Variants in ADORA3 observed in about 807,000 individuals in gnomAD.
The protein encoded by ADORA3 is adenosine A3 receptor.
Under a neutral mutation model 5.7 loss-of-function variants are expected in ADORA3, and 3 were observed. That is an observed-to-expected ratio of 0.52 (90% confidence interval 0.24 to 1.35). The LOEUF is 1.35. Among genes scored for constraint, ADORA3 ranks in the 40% most tolerant of loss-of-function variants. ADORA3 has a pLI of 0.17. For missense variants in ADORA3, 343 were observed against 389.0 expected, an observed-to-expected ratio of 0.88 and a Z score of 0.99; for synonymous variants, 168 against 152.3, an observed-to-expected ratio of 1.10 and a Z score of -0.76.
chr1:111,502,114 A>T (rs1275044302), intron 1 of ADORA3, among the ~76,000 whole-genome samples: 2 of 106,636 alleles, frequency 1.9e-5, no homozygotes, highest in East Asian at 2.4e-4. Flanking sequence ...ATTTAATATA[A>T]TAAATATATA....
At position 111,503,530 on chromosome 1, in the gene ADORA3, C is replaced by G; in HGVS notation, c.-176G>C. 1 of 1,424,150 alleles carries G rather than the reference C, an allele frequency of 7.0e-7. No homozygotes were observed. The highest frequency in any genetic ancestry group is 9.2e-7 in the Non-Finnish European group (1 of 1,092,108). The allele number at this position is 1,424,150 out of a possible 1,614,324, so 88.2% of individuals were successfully genotyped here. A position where few individuals can be genotyped will look rare whatever the true frequency, so the allele number is the denominator to read the frequency against. ...CTGGTGGGGTGATCTCTTGGAAACC[C>G]TTCTCCTTAGAAAGGGCTCATCACA... On this transcript the variant is annotated 5_prime_UTR_variant, in exon 1 of 2. Coordinates refer to ENST00000241356, the MANE Select transcript of ADORA3 (RefSeq NM_000677.4).
In ADORA3 at chr1:111,503,529, C is replaced by T. The variant is rs577559280; in HGVS notation, c.-175G>A. ...TCTGGTGGGGTGATCTCTTGGAAAC[C>T]CTTCTCCTTAGAAAGGGCTCATCAC... On this transcript the variant is annotated 5_prime_UTR_variant, in exon 1 of 2. Coordinates refer to ENST00000241356, the MANE Select transcript of ADORA3 (RefSeq NM_000677.4). 3 of 1,424,854 alleles carry T rather than the reference C, an allele frequency of 2.1e-6. No homozygotes were observed. The African/African-American group carries it at 4.3e-5, about 20-fold the overall frequency. 88.3% of individuals were successfully genotyped at this position (1,424,854 alleles called of 1,614,324 possible).
chr1:111,500,147 A>G lies in ADORA3; in HGVS notation c.760T>C (p.Tyr254His), dbSNP rs757062295. The G allele has an allele frequency of 1.2e-6, 2 of 1,614,098 alleles. No homozygotes were observed. Among genetic ancestry groups the G allele is most frequent in the African/African-American group, 2.7e-5 (2 of 74,934 alleles). Residue 254 changes from tyrosine to histidine, a missense_variant, in exon 2 of 2, where the codon TAC (tyrosine) becomes CAC (histidine). By Grantham distance (83) the Tyr-to-His change is moderately conservative. Transcript: ENST00000241356. Reference sequence around the variant, plus strand: ...AGCTGTGGTACCTCACCATTAAAGTAGATGATGCAGTTGATGATAGATAAA... The same window carrying G: ...AGCTGTGGTACCTCACCATTAAAGTGGATGATGCAGTTGATGATAGATAAA... ...LPLSIINCII[Y>H]FNGEVPQLVL...
Position 111,500,249 on chromosome 1 carries a change from C to T in ADORA3, c.658G>A (p.Ala220Thr). The T allele has an allele frequency of 6.2e-7, 1 of 1,614,182 alleles. No homozygotes were observed. The change falls in exon 2 of 2, where the codon GCA (alanine) becomes ACA (threonine). Residue 220 changes from alanine (A) to threonine (T), a missense_variant. Physicochemically the swap from Ala to Thr is moderately conservative, Grantham distance 58. Transcript: ENST00000241356. ...GTCTTGAACTCCCGTCCATAAAATG[C>T]ACCTGTCTCTTTGGAGTTAGATAAG... ...LNLSNSKETG[A>T]FYGREFKTAK...
Position 111,499,644 on chromosome 1 carries a change from C to T in ADORA3, c.*306G>A. 8.7e-7 allele frequency: 1 copy of T among 1,145,954 alleles called. No individual in the cohort carries two copies. The allele number at this position is 1,145,954 out of a possible 1,614,324, so 71.0% of individuals were successfully genotyped here. A position where few individuals can be genotyped will look rare whatever the true frequency, so the allele number is the denominator to read the frequency against. On this transcript the variant is annotated 3_prime_UTR_variant, in exon 2 of 2. Transcript: ENST00000241356. ...CTTTTGTCAGTAAGTCAACTAGGCACCCTTCAGGCTCCATGACTTATTCTT... is the reference window on the plus strand; with the variant it reads ...CTTTTGTCAGTAAGTCAACTAGGCATCCTTCAGGCTCCATGACTTATTCTT...
chr1:111,503,326 A>C lies in ADORA3; in HGVS notation c.29T>G (p.Leu10Trp). The change falls in exon 1 of 2, where the codon TTG becomes TGG. Residue 10 changes from leucine to tryptophan, a missense_variant. Leu to Trp is a moderately conservative substitution (Grantham distance 61). Coordinates refer to ENST00000241356, the MANE Select transcript of ADORA3 (RefSeq NM_000677.4). ...CATGGTGATGTAGGTAACATTGGCCAATGACAGAGCAGTGCTGTTGTTGGG... is the reference window on the plus strand; with the variant it reads ...CATGGTGATGTAGGTAACATTGGCCCATGACAGAGCAGTGCTGTTGTTGGG... MPNNSTALS[L>W]ANVTYITMEI... 1.9e-6 allele frequency: 3 copies of C among 1,613,796 alleles called. No individual in the cohort carries two copies. Among genetic ancestry groups the C allele is most frequent in the Non-Finnish European group, 2.5e-6 (3 of 1,179,854 alleles).
intron 1 of ADORA3, 112 bp downstream of exon 1, chr1:111,502,893 C>T: frequency 7.3e-7 from 1 of 1,362,924 alleles, no homozygotes; most frequent in Non-Finnish European, 9.9e-7. Flanking sequence ...TGCCCTCTTT[C>T]AACATCAAGG....
Position 111,499,540 on chromosome 1 carries a change from C to T in ADORA3, c.*410G>A, listed in dbSNP as rs182504753. On this transcript the variant is annotated 3_prime_UTR_variant, in exon 2 of 2. Coordinates refer to ENST00000241356, the MANE Select transcript of ADORA3 (RefSeq NM_000677.4). ...TTCCCAACATCTCCTAGGCATCCTCCGAGAGCAGGTTCTCTGCTCAATTCC... is the reference window on the plus strand; with the variant it reads ...TTCCCAACATCTCCTAGGCATCCTCTGAGAGCAGGTTCTCTGCTCAATTCC... 1.5e-4 allele frequency: 146 copies of T among 1,006,878 alleles called. No homozygotes were observed. In the East Asian group the frequency reaches 3.0e-3, roughly 21 times the overall value. The allele number at this position is 1,006,878 out of a possible 1,614,324, so 62.4% of individuals were successfully genotyped here.
rs1571411179 is a variant in ADORA3 at position 111,499,710 on chromosome 1, C to T, written c.*240G>A. 6.8e-6 allele frequency: 9 copies of T among 1,330,266 alleles called. No homozygotes were observed. Among genetic ancestry groups the T allele is most frequent in the African/African-American group, 1.5e-5 (1 of 67,702 alleles). 82.4% of individuals were successfully genotyped at this position (1,330,266 alleles called of 1,614,324 possible). ...AAAACAGACAATAATATCAATAATA[C>T]GTTGTCCCCAAGTCAGGCCTCCAAA... On this transcript the variant is annotated 3_prime_UTR_variant, in exon 2 of 2. Coordinates refer to ENST00000241356, the MANE Select transcript of ADORA3 (RefSeq NM_000677.4).
chr1:111,500,298 G>A lies in ADORA3; in HGVS notation c.609C>T (p.Ile203=), dbSNP rs150472165. The A allele has an allele frequency of 2.0e-5, 32 of 1,614,110 alleles. No homozygotes were observed. In the African/African-American group the frequency reaches 3.7e-4, roughly 19 times the overall value. The change falls in exon 2 of 2, where the codon ATC becomes ATT. Residue 203 remains isoleucine (I), a synonymous_variant. Coordinates refer to ENST00000241356, the MANE Select transcript of ADORA3 (RefSeq NM_000677.4). ...MCAIYLDIFY[I]IRNKLSLNLS... The stretch of plus-strand genomic sequence containing the variant: ...AGTTCAGACTGAGTTTGTTCCGAAT[G>A]ATGTAAAAGATGTCAAGATAGATGG...
Position 111,499,626 on chromosome 1 carries a change from C to A in ADORA3, c.*324G>T. ...GTTCAGCCCAACTGGAGCCTTTTGT[C>A]AGTAAGTCAACTAGGCACCCTTCAG... On this transcript the variant is annotated 3_prime_UTR_variant, in exon 2 of 2. Coordinates refer to ENST00000241356, the MANE Select transcript of ADORA3 (RefSeq NM_000677.4). 1 of 1,115,666 alleles carries A rather than the reference C, an allele frequency of 9.0e-7. No individual in the cohort carries two copies. The highest frequency in any genetic ancestry group is 1.1e-6 in the Non-Finnish European group (1 of 908,560). The allele number at this position is 1,115,666 out of a possible 1,614,324, so 69.1% of individuals were successfully genotyped here. A position where few individuals can be genotyped will look rare whatever the true frequency, so the allele number is the denominator to read the frequency against.
intron 1 of ADORA3, among the ~76,000 whole-genome samples, chr1:111,502,348 GA>G (rs1655267263): frequency 7.3e-6 from 1 of 137,012 alleles, no homozygotes; most frequent in Admixed American, 7.6e-5. Context: ...TTATTATAAT[GA>G]ATATATATAG....
intron 1 of ADORA3, 100 bp from the exon 2 acceptor site, chr1:111,500,656 T>C (rs1655128585): frequency 1.8e-6 from 2 of 1,130,102 alleles, no homozygotes; most frequent in Non-Finnish European, 2.6e-6. Context: ...AGATAAGGCA[T>C]ATACTCTCTT....
intron 1 of ADORA3, chr1:111,500,863 C>CGACCACCGAGA: frequency 6.2e-6 from 3 of 481,320 alleles, no homozygotes; most frequent in East Asian, 3.0e-5. Context: ...TGCTTACGTG[C>CGACCACCGAGA]TCCACTCAGG....
At position 111,503,064 on chromosome 1, in the gene ADORA3, G is replaced by T. The variant is rs146743726; in HGVS notation, c.291C>A (p.Ser97=). 214 of 1,614,104 alleles carry T rather than the reference G, an allele frequency of 1.3e-4. No homozygotes were observed. The highest frequency in any genetic ancestry group is 1.7e-4 in the Non-Finnish European group (203 of 1,180,060). ...TCLLLIFTHA[S]IMSLLAIAVD... ...CAGCGATGGCCAGCAAGGACATGAT[G>T]GAGGCGTGGGTAAAGATAAGCAGTA... Residue 97 remains serine (S), a synonymous_variant, in exon 1 of 2, where the codon TCC becomes TCA. Coordinates refer to ENST00000241356, the MANE Select transcript of ADORA3 (RefSeq NM_000677.4).
At position 111,499,802 on chromosome 1, in the gene ADORA3, G is replaced by A. The variant is rs2100976105; in HGVS notation, c.*148C>T. 6.8e-7 allele frequency: 1 copy of A among 1,480,428 alleles called. No homozygotes were observed. Among genetic ancestry groups the A allele is most frequent in the East Asian group, 2.3e-5 (1 of 43,246 alleles). The allele number at this position is 1,480,428 out of a possible 1,614,324, so 91.7% of individuals were successfully genotyped here. A position where few individuals can be genotyped will look rare whatever the true frequency, so the allele number is the denominator to read the frequency against. ...AGGAAGAGAGTAGTGGAGTGGGGGA[G>A]ATATAATTGGGGAGCACTGGAGATG... On this transcript the variant is annotated 3_prime_UTR_variant, in exon 2 of 2. Transcript: ENST00000241356.
Position 111,499,661 on chromosome 1 carries a change from C to T in ADORA3, c.*289G>A. 3 of 1,191,686 alleles carry T rather than the reference C, an allele frequency of 2.5e-6. No individual in the cohort carries two copies. Among genetic ancestry groups the T allele is most frequent in the Non-Finnish European group, 3.2e-6 (3 of 951,912 alleles). 73.8% of individuals were successfully genotyped at this position (1,191,686 alleles called of 1,614,324 possible). A position where few individuals can be genotyped will look rare whatever the true frequency, so the allele number is the denominator to read the frequency against. ...ACTAGGCACCCTTCAGGCTCCATGA[C>T]TTATTCTTCTATTGGGAAGAAGGAA... On this transcript the variant is annotated 3_prime_UTR_variant, in exon 2 of 2. Transcript: ENST00000241356.
In ADORA3 at chr1:111,499,459, A is replaced by G; in HGVS notation, c.*491T>C. ...TATTAGCTTTTATTTACTCAAAAAC[A>G]TCCACAGGTGAATTCAGCAGTTTAA... On this transcript the variant is annotated 3_prime_UTR_variant, in exon 2 of 2. Coordinates refer to ENST00000241356, the MANE Select transcript of ADORA3 (RefSeq NM_000677.4). 1.0e-6 allele frequency: 1 copy of G among 992,378 alleles called. No individual in the cohort carries two copies. The highest frequency in any genetic ancestry group is 4.5e-5 in the South Asian group (1 of 22,064). The allele number at this position is 992,378 out of a possible 1,614,324, so 61.5% of individuals were successfully genotyped here. A position where few individuals can be genotyped will look rare whatever the true frequency, so the allele number is the denominator to read the frequency against.
rs759385497 is a variant in ADORA3, at chr1:111,500,493, T to C, written c.414A>G (p.Ser138=). 5 of 1,614,196 alleles carry C rather than the reference T, an allele frequency of 3.1e-6. No homozygotes were observed. The South Asian group carries it at 5.5e-5, about 18-fold the overall frequency. Residue 138 remains serine, a synonymous_variant, in exon 2 of 2, where the codon TCA becomes TCG. Coordinates refer to ENST00000241356, the MANE Select transcript of ADORA3 (RefSeq NM_000677.4). ...ACATGGGGGTCAATCCCACCAGGAA[T>C]GACACCAGCCAGCAAAGGCCCAGGG... ...WLALGLCWLV[S]FLVGLTPMFG... is the part of the protein sequence containing the mutation.
Sources: allele counts gnomAD v4.1 joint callset (sites outside exome capture counted in the v4.1 genomes callset), GRCh38; gene constraint gnomAD v4.1.1; transcripts MANE v1.5; gene names NCBI Gene and HGNC (gene_info 2026-07-23, HGNC 2026-07-21).